The following DGKH variants were observed in gnomAD, a reference collection of about 807,000 sequenced individuals.
DGKH encodes the protein diacylglycerol kinase eta.
In DGKH, 90 loss-of-function variants were observed where a neutral mutation model predicts 159.3. The ratio of observed to expected loss-of-function variants is 0.57; its 90% confidence interval spans 0.48 to 0.67. DGKH has a LOEUF of 0.67. Ranked by LOEUF, DGKH falls within the 30% of genes least tolerant of loss-of-function variation. The pLI is 0.00. For missense variants in DGKH, 1,181 were observed against 1,506.1 expected, an observed-to-expected ratio of 0.78 and a Z score of 3.57; for synonymous variants, 536 against 553.8, an observed-to-expected ratio of 0.97 and a Z score of 0.45.
chr13:42,087,044 AACAC>A (rs71298957), intron 1 of DGKH, among the ~76,000 whole-genome samples: 22,335 of 140,022 alleles, frequency 0.16, 2,092 homozygotes, highest in East Asian at 0.4. Context: ...CCAGAAGGAA[AACAC>A]ACACACACAC....
intron 29 of DGKH, among the ~76,000 whole-genome samples, chr13:42,251,825 A>T (rs951894767): frequency 6.6e-6 from 1 of 152,212 alleles, no homozygotes; most frequent in Non-Finnish European, 1.5e-5. Flanking sequence ...GCGTGTTCCC[A>T]TTACATACCC....
chr13:42,198,327 AT>A (rs1259734986), intron 17 of DGKH, 150 bp from the exon 18 acceptor site: 1 of 590,922 alleles, frequency 1.7e-6, no homozygotes, highest in East Asian at 3.0e-5. Context: ...ATTGTTTTTA[AT>A]TTTCATTAAT....
chr13:42,177,244 A>T (rs968258922), intron 12 of DGKH, among the ~76,000 whole-genome samples: 1 of 144,130 alleles, frequency 6.9e-6, no homozygotes, highest in Non-Finnish European at 1.5e-5. Context: ...AATAGCATAG[A>T]TTGGTATCTG....
chr13:42,068,680 T>G (rs1257747442), intron 1 of DGKH, among the ~76,000 whole-genome samples: 1 of 152,210 alleles, frequency 6.6e-6, no homozygotes, highest in Non-Finnish European at 1.5e-5. Flanking sequence ...TCTTCACTTG[T>G]CTTAGTGCAT....
chr13:42,250,467 T>C (rs1465008225), intron 29 of DGKH, among the ~76,000 whole-genome samples: 1 of 152,166 alleles, frequency 6.6e-6, no homozygotes, highest in Non-Finnish European at 1.5e-5. Context: ...GGATCTTGAA[T>C]GCTATCACCA....
chr13:42,111,440 C>T (rs1455931379), intron 1 of DGKH, among the ~76,000 whole-genome samples: 3 of 152,068 alleles, frequency 2.0e-5, no homozygotes, highest in South Asian at 2.1e-4. Flanking sequence ...ATTAGCCGGG[C>T]GTGGTGGCAC....
In DGKH at chr13:42,198,457, T is replaced by C. The variant is rs114595341; in HGVS notation, c.2168-21T>C. On this transcript the variant is annotated intron_variant, in intron 17 of 29. Coordinates refer to ENST00000337343, the MANE Select transcript of DGKH (RefSeq NM_178009.5). ...TTTTTTCTTAACATGCGATCCCATA[T>C]GTGTTTGCTTTTCTTTCCAGGTTTA... The C allele has an allele frequency of 2.7e-3, 4,264 of 1,600,720 alleles. 79 individuals are homozygous for C. The African/African-American group carries it at 0.045, about 17-fold the overall frequency.
At chr13:42,088,902 A>G (rs1954359938) in intron 1 of DGKH, among the ~76,000 whole-genome samples, 2 of 152,228 alleles carry the variant, frequency 1.3e-5, no homozygotes, top group Admixed American at 1.3e-4. Context: ...CAGATGTTTT[A>G]AAAGTAAAAT....
At chr13:42,056,584 G>A (rs1476961311) in intron 1 of DGKH, among the ~76,000 whole-genome samples, 1 of 152,186 alleles carries the variant, frequency 6.6e-6, no homozygotes, top group Non-Finnish European at 1.5e-5. Context: ...TTATACAAAA[G>A]TTTGAATATC....
intron 13 of DGKH, among the ~76,000 whole-genome samples, chr13:42,183,260 A>C (rs150406865): frequency 6.6e-6 from 1 of 152,050 alleles, no homozygotes; most frequent in Non-Finnish European, 1.5e-5. Flanking sequence ...TTGCACTCCA[A>C]TCTGGATGAC....
chr13:42,088,287 A>C (rs1376951735), intron 1 of DGKH, among the ~76,000 whole-genome samples: 7 of 152,322 alleles, frequency 4.6e-5, no homozygotes, highest in South Asian at 2.1e-4. Flanking sequence ...TCTAGGCCAA[A>C]TAAAAATAGT....
intron 13 of DGKH, among the ~76,000 whole-genome samples, chr13:42,183,301 C>A (rs1165160084): frequency 1.4e-5 from 2 of 146,396 alleles, no homozygotes; most frequent in Non-Finnish European, 3.1e-5. Context: ...AAAAAAAAAA[C>A]ACTTAAAAAT....
At chr13:42,173,354 A>C (rs1355450034) in intron 11 of DGKH, among the ~76,000 whole-genome samples, 1 of 152,240 alleles carries the variant, frequency 6.6e-6, no homozygotes, top group East Asian at 1.9e-4. Flanking sequence ...TTGGATAGAA[A>C]ACTGGACTTA....
At chr13:42,059,448 CTA>C (rs1881987670) in intron 1 of DGKH, among the ~76,000 whole-genome samples, 1 of 152,052 alleles carries the variant, frequency 6.6e-6, no homozygotes, top group African/African-American at 2.4e-5. Context: ...CGGGGTTTCT[CTA>C]TGTTGACCAG....
chr13:42,207,452 A>T (rs2138190779), intron 21 of DGKH, among the ~76,000 whole-genome samples: 1 of 151,574 alleles, frequency 6.6e-6, no homozygotes, highest in South Asian at 2.1e-4. Flanking sequence ...CGGCCTCCCA[A>T]AGTCCTAGGA....
At chr13:42,187,195 T>G in intron 14 of DGKH, 47 bp downstream of exon 14, 1 of 1,485,006 alleles carries the variant, frequency 6.7e-7, no homozygotes, top group Non-Finnish European at 9.4e-7. Context: ...TGGACAATGC[T>G]CACATTCAAC....
intron 6 of DGKH, 29 bp downstream of exon 6, chr13:42,159,401 TC>T: frequency 7.1e-7 from 1 of 1,400,536 alleles, no homozygotes; most frequent in African/African-American, 1.4e-5. Flanking sequence ...TCTGCTCTCT[TC>T]CCACTAACTC....
At chr13:42,244,903 C>CAAAA (rs57184890), downstream of DGKH, among the ~76,000 whole-genome samples, 479 of 43,030 alleles carry the variant, frequency 0.011, 23 homozygotes, top group Middle Eastern at 0.029. Context: ...GACTCCGTCT[C>CAAAA]AAAAAAAAAA....
intron 24 of DGKH, 91 bp downstream of exon 24, chr13:42,210,856 G>A: frequency 8.6e-7 from 1 of 1,165,644 alleles, no homozygotes; most frequent in East Asian, 2.5e-5. Context: ...TTCAGTAGTG[G>A]TATCAAAAAG....
Sources: allele counts gnomAD v4.1 joint callset (sites outside exome capture counted in the v4.1 genomes callset), GRCh38; gene constraint gnomAD v4.1.1; transcripts MANE v1.5; gene names NCBI Gene and HGNC (gene_info 2026-07-23, HGNC 2026-07-21).